TDRD12: variants seen among roughly 807,000 people sequenced by gnomAD.
TDRD12 encodes the protein tudor domain containing 12, also known as putative ATP-dependent RNA helicase TDRD12.
A neutral mutation model predicts 133.5 loss-of-function variants in TDRD12; 158 were observed. That is an observed-to-expected ratio of 1.18 (90% CI 1.04 to 1.35). The LOEUF (loss-of-function observed/expected upper bound fraction) is 1.35, where lower values mean the gene tolerates loss of function less well. Among genes scored for constraint, TDRD12 ranks in the 40% most tolerant of loss-of-function variants. The pLI is 0.00. For synonymous variants in TDRD12, 460 were observed against 477.9 expected (o/e 0.96, Z 0.49); for missense variants, 1,443 against 1,321.3 (o/e 1.09, Z -1.43).
chr19:32,746,503 T>A (rs559681352), intron 4 of TDRD12, among the ~76,000 whole-genome samples: 1 of 121,070 alleles, frequency 8.3e-6, no homozygotes, highest in African/African-American at 3.2e-5. Context: ...GGAGAGAGAC[T>A]GGCTGATGTG....
chr19:32,756,261 C>A, intron 7 of TDRD12, 80 bp downstream of exon 7: 1 of 1,198,206 alleles, frequency 8.3e-7, no homozygotes, highest in Non-Finnish European at 1.1e-6. Flanking sequence ...GTTGTACAGA[C>A]TTTTCCCCAC....
rs1428995059 is a variant in TDRD12, at chr19:32,742,718, T to G, written c.321-63T>G. The G allele has an allele frequency of 2.0e-6, 3 of 1,472,280 alleles. No homozygotes were observed. In the East Asian group the frequency reaches 7.4e-5, roughly 36 times the overall value. 91.2% of individuals were successfully genotyped at this position (1,472,280 alleles called of 1,614,324 possible). On this transcript the variant is annotated intron_variant, in intron 3 of 27. Coordinates refer to ENST00000444215, the Ensembl canonical transcript of TDRD12. ...AAGTGTATTAATAAAATAGGTATAC[T>G]TTAACGGAGTATGTTATATATAATT...
intron 12 of TDRD12, 90 bp from the exon 13 acceptor site, chr19:32,790,872 ATC>A: frequency 6.8e-7 from 1 of 1,477,382 alleles, no homozygotes; most frequent in South Asian, 1.4e-5. Context: ...TTACATTGAA[ATC>A]TATATTTTCT....
At chr19:32,799,728 C>CTTTTTTT (rs71176153) in intron 16 of TDRD12, among the ~76,000 whole-genome samples, 17 of 78,432 alleles carry the variant, frequency 2.2e-4, no homozygotes, top group African/African-American at 5.0e-4. Flanking sequence ...TAGTTTTTGC[C>CTTTTTTT]TTTTTTTTTT....
chr19:32,774,254 CTA>C (rs1243411153), intron 10 of TDRD12, among the ~76,000 whole-genome samples: 1 of 152,208 alleles, frequency 6.6e-6, no homozygotes, highest in Non-Finnish European at 1.5e-5. Context: ...ATGCTAGACT[CTA>C]TCTCACTTTT....
chr19:32,790,723 C>T (rs1451174123), intron 12 of TDRD12, 132 bp downstream of exon 12: 2 of 1,545,256 alleles, frequency 1.3e-6, no homozygotes, highest in Non-Finnish European at 1.7e-6. Context: ...AACCTGAAGA[C>T]ATCCTTTTAG....
At chr19:32,815,482 C>G (rs769331601) in exon 26 of TDRD12, 1 of 1,536,468 alleles carries the variant, frequency 6.5e-7, no homozygotes, top group South Asian at 1.2e-5. Context: ...TTAAAAACCT[C>G]TGTCATTGAT....
chr19:32,785,853 A>C (rs1045710490), intron 11 of TDRD12, among the ~76,000 whole-genome samples: 143 of 152,228 alleles, frequency 9.4e-4, no homozygotes, highest in African/African-American at 3.2e-3. Flanking sequence ...TCCTGAATAC[A>C]GCACACTGAT....
chr19:32,739,066 A>G, intron 3 of TDRD12, 74 bp downstream of exon 3: 1 of 1,515,576 alleles, frequency 6.6e-7, no homozygotes, highest in Non-Finnish European at 8.9e-7. Flanking sequence ...CGTCCATTTT[A>G]AAGTACGGGG....
chr19:32,741,899 A>G (rs904350342), intron 3 of TDRD12, among the ~76,000 whole-genome samples: 2 of 152,174 alleles, frequency 1.3e-5, no homozygotes, highest in Non-Finnish European at 2.9e-5. Flanking sequence ...AAAAAAATGT[A>G]AAAATAAAGT....
chr19:32,794,723 C>T lies in TDRD12; in HGVS notation c.1383C>T (p.His461=), dbSNP rs367626099. Reference sequence around the variant, plus strand: ...GCTGTGATGTGGTTGTCATTTCTCACTGTGAAAGCAACCCTTTGCTCTACC... The same window carrying T: ...GCTGTGATGTGGTTGTCATTTCTCATTGTGAAAGCAACCCTTTGCTCTACC... The change falls in exon 14 of 28, where the codon CAC becomes CAT. Residue 461 remains histidine (H), a synonymous_variant. Transcript: ENST00000444215. 32 of 703,338 alleles carry T rather than the reference C, an allele frequency of 4.5e-5. 2 individuals are homozygous for T. The highest frequency in any genetic ancestry group is 2.3e-4 in the Middle Eastern group (1 of 4,370). 43.6% of individuals were successfully genotyped at this position (703,338 alleles called of 1,614,324 possible).
chr19:32,754,038 G>T (rs1160163052), intron 6 of TDRD12, among the ~76,000 whole-genome samples: 1 of 152,098 alleles, frequency 6.6e-6, no homozygotes, highest in Non-Finnish European at 1.5e-5. Flanking sequence ...ACCTTCTTCA[G>T]TGTGATTATG....
chr19:32,747,996 CAGAG>C (rs910828102), intron 4 of TDRD12, among the ~76,000 whole-genome samples: 9 of 152,122 alleles, frequency 5.9e-5, no homozygotes, highest in African/African-American at 2.2e-4. Context: ...GCCTGGATAA[CAGAG>C]AGAGACCCTG....
intron 3 of TDRD12, among the ~76,000 whole-genome samples, chr19:32,741,419 G>A (rs763191978): frequency 6.6e-6 from 1 of 152,194 alleles, no homozygotes; most frequent in Non-Finnish European, 1.5e-5. Context: ...CATGGCATAC[G>A]TGTTTATCAG....
At chr19:32,825,203 G>A (rs1023880725), downstream of TDRD12, among the ~76,000 whole-genome samples, 4 of 152,310 alleles carry the variant, frequency 2.6e-5, no homozygotes, top group East Asian at 1.9e-4. The surrounding 1 kb of genome is among the most constrained non-coding windows in gnomAD (Gnocchi z 4.1). Flanking sequence ...CGAGGATGGC[G>A]CTTTCTCAGC....
At chr19:32,729,374 C>T (rs529206162) in intron 1 of TDRD12, among the ~76,000 whole-genome samples, 1,965 of 151,440 alleles carry the variant, frequency 0.013, 17 homozygotes, top group Non-Finnish European at 0.021. Context: ...TCTGCCACCA[C>T]GCCCAGCTAA....
intron 18 of TDRD12, among the ~76,000 whole-genome samples, chr19:32,801,408 A>G (rs1045561814): frequency 1.3e-5 from 2 of 152,174 alleles, no homozygotes. Context: ...CTAGAAGTAT[A>G]GTTATATGGT....
At chr19:32,755,440 T>A (rs1451311208) in intron 6 of TDRD12, among the ~76,000 whole-genome samples, 1 of 152,254 alleles carries the variant, frequency 6.6e-6, no homozygotes, top group Non-Finnish European at 1.5e-5. Flanking sequence ...AATTTGCGTT[T>A]CCCTAATGAT....
intron 26 of TDRD12, among the ~76,000 whole-genome samples, chr19:32,817,498 C>T (rs1184221163): frequency 6.6e-6 from 1 of 152,088 alleles, no homozygotes; most frequent in Admixed American, 6.6e-5. Flanking sequence ...TTCACTTCTC[C>T]ATTCATCTTC....
Sources: allele counts gnomAD v4.1 joint callset (sites outside exome capture counted in the v4.1 genomes callset), GRCh38; gene constraint gnomAD v4.1.1; non-coding constraint Gnocchi (gnomAD v3.1); transcripts MANE v1.5; gene names NCBI Gene and HGNC (gene_info 2026-07-23, HGNC 2026-07-21).